HOXD11: variants seen among roughly 807,000 people sequenced by gnomAD.
HOXD11 encodes the protein homeobox protein Hox-D11.
Under a neutral mutation model 23.1 loss-of-function variants are expected in HOXD11, and 16 were observed. The ratio of observed to expected loss-of-function variants is 0.69; its 90% CI spans 0.47 to 1.05. The LOEUF is 1.05. Among genes scored for constraint, HOXD11 ranks in the 50% least tolerant of loss-of-function variants. The pLI is 0.00. For synonymous variants in HOXD11, 262 were observed against 224.4 expected, an observed-to-expected ratio of 1.17 and a Z score of -1.50; for missense variants, 564 against 495.6, an observed-to-expected ratio of 1.14 and a Z score of -1.31.
Position 176,107,628 on chromosome 2 carries a change from C to A in HOXD11, c.273C>A (p.Gly91=), listed in dbSNP as rs1372069665. 8 of 998,192 alleles carry A rather than the reference C, an allele frequency of 8.0e-6. No individual in the cohort carries two copies. In the East Asian group the frequency reaches 7.2e-4, roughly 90 times the overall value. 61.8% of individuals were successfully genotyped at this position (998,192 alleles called of 1,614,324 possible). Residue 91 remains glycine (G), a synonymous_variant, in exon 1 of 2, where the codon GGC becomes GGA. Coordinates refer to ENST00000249504, the MANE Select transcript of HOXD11 (RefSeq NM_021192.3). ...GCGCGGGGGGCGGCAGCAGCGGGGGCGGCCCCGGCGGGGGCGGCGGCGGCG... is the reference window on the plus strand; with the variant it reads ...GCGCGGGGGGCGGCAGCAGCGGGGGAGGCCCCGGCGGGGGCGGCGGCGGCG... ...GGSAGGGSSG[G]GPGGGGGGAG...
chr2:176,113,507 A>G (rs114870091), downstream of HOXD11, among the ~76,000 whole-genome samples: 1,351 of 152,324 alleles, frequency 8.9e-3, 20 homozygotes, highest in African/African-American at 0.031. Context: ...GATGATGGAA[A>G]ACATCAGCTA....
chr2:176,108,171 G>C, intron 1 of HOXD11, 35 bp downstream of exon 1: 1 of 1,121,398 alleles, frequency 8.9e-7, no homozygotes, highest in Non-Finnish European at 1.1e-6. Context: ...GGTGGGCCCG[G>C]GGGCCGCGGG....
chr2:176,112,859 G>A (rs556206055), downstream of HOXD11, among the ~76,000 whole-genome samples: 1 of 152,322 alleles, frequency 6.6e-6, no homozygotes, highest in Non-Finnish European at 1.5e-5. Context: ...CCTGACAAGG[G>A]CCCGGGATCA....
In HOXD11 at chr2:176,109,286, A is replaced by C; in HGVS notation, c.*144A>C. The C allele has an allele frequency of 6.4e-6, 4 of 628,472 alleles. No homozygotes were observed. Among genetic ancestry groups the C allele is most frequent in the Non-Finnish European group, 5.6e-6 (2 of 355,056 alleles). 38.9% of individuals were successfully genotyped at this position (628,472 alleles called of 1,614,324 possible). ...GATTCCTTCCCACGGTCAACTCGGG[A>C]CCTCCCAGCGACCACTGCAGCCTGC... On this transcript the variant is annotated 3_prime_UTR_variant, in exon 2 of 2. Coordinates refer to ENST00000249504, the MANE Select transcript of HOXD11 (RefSeq NM_021192.3).
downstream of HOXD11, among the ~76,000 whole-genome samples, chr2:176,114,482 A>G (rs917362288): frequency 1.3e-5 from 2 of 152,102 alleles, no homozygotes; most frequent in Non-Finnish European, 2.9e-5. Flanking sequence ...ATGATGTTGT[A>G]TTTGAACAGC....
chr2:176,111,051 A>G (rs1258765583), downstream of HOXD11, among the ~76,000 whole-genome samples: 1 of 152,186 alleles, frequency 6.6e-6, no homozygotes, highest in Admixed American at 6.5e-5. Flanking sequence ...ATTTGAAAGC[A>G]ATTTGCCACC....
In HOXD11 at chr2:176,108,118, G is replaced by A. The variant is rs1412848580; in HGVS notation, c.763G>A (p.Glu255Lys). The A allele has an allele frequency of 1.5e-6, 2 of 1,327,062 alleles. No individual in the cohort carries two copies. The highest frequency in any genetic ancestry group is 1.4e-5 in the South Asian group (1 of 69,530). 82.2% of individuals were successfully genotyped at this position (1,327,062 alleles called of 1,614,324 possible). Residue 255 changes from glutamate (E) to lysine (K), a missense_variant, in exon 1 of 2, where the codon GAG becomes AAG. Coordinates refer to ENST00000249504, the MANE Select transcript of HOXD11 (RefSeq NM_021192.3). The part of the protein sequence containing the change: ...GEGPPGEAGA[E>K]KSSSAVAPQR... ...GGGCCCCCCGGGAGAGGCGGGGGCC[G>A]AGAAGAGCAGCAGCGCAGGTAGGCA...
chr2:176,108,990 G>A lies in HOXD11; in HGVS notation c.865G>A (p.Val289Met). The A allele has an allele frequency of 6.2e-7, 1 of 1,614,018 alleles. No individual in the cohort carries two copies. Among genetic ancestry groups the A allele is most frequent in the Non-Finnish European group, 8.5e-7 (1 of 1,179,898 alleles). ...ACTGGAACGCGAGTTTTTCTTTAAC[G>A]TGTACATAAACAAAGAGAAAAGACT... ...RELEREFFFNVYINKEKRLQL... is the reference protein window; with the variant it reads ...RELEREFFFNMYINKEKRLQL... Residue 289 changes from valine to methionine, a missense_variant, in exon 2 of 2, where the codon GTG becomes ATG. Physicochemically the swap from Val to Met is conservative, Grantham distance 21 (BLOSUM62 1). Transcript: ENST00000249504.
downstream of HOXD11, among the ~76,000 whole-genome samples, chr2:176,114,671 T>C (rs577362970): frequency 8.6e-5 from 13 of 151,458 alleles, no homozygotes; most frequent in South Asian, 2.7e-3. Context: ...GGACAAAGGG[T>C]TTTTTGGGAA....
chr2:176,112,374 G>A (rs1689689515), downstream of HOXD11, among the ~76,000 whole-genome samples: 2 of 152,150 alleles, frequency 1.3e-5, no homozygotes, highest in Admixed American at 1.3e-4. Context: ...GCCTCTCTAA[G>A]GGAGGATGAC....
Position 176,108,091 on chromosome 2 carries a change from G to A in HOXD11, c.736G>A (p.Glu246Lys), listed in dbSNP as rs754200766. ...AGCAGAAGGCAGCGGTGGCGACGGC[G>A]AGGGCCCCCCGGGAGAGGCGGGGGC... Reference protein sequence around the residue: ...GAAEGSGGDGEGPPGEAGAEK... With the variant: ...GAAEGSGGDGKGPPGEAGAEK... Residue 246 changes from glutamate (E) to lysine (K), a missense_variant, in exon 1 of 2, where the codon GAG (glutamate) becomes AAG (lysine). Glu to Lys is a moderately conservative substitution (Grantham distance 56). Transcript: ENST00000249504. 14 of 1,471,186 alleles carry A rather than the reference G, an allele frequency of 9.5e-6. No homozygotes were observed. Among genetic ancestry groups the A allele is most frequent in the East Asian group, 2.9e-5 (1 of 35,068 alleles). The allele number at this position is 1,471,186 out of a possible 1,614,324, so 91.1% of individuals were successfully genotyped here. A position where few individuals can be genotyped will look rare whatever the true frequency, so the allele number is the denominator to read the frequency against.
Position 176,107,634 on chromosome 2 carries a change from C to G in HOXD11, c.279C>G (p.Pro93=). Residue 93 remains proline (P), a synonymous_variant, in exon 1 of 2, where the codon CCC becomes CCG. Transcript: ENST00000249504. The stretch of plus-strand genomic sequence containing the variant: ...GGGGCGGCAGCAGCGGGGGCGGCCC[C>G]GGCGGGGGCGGCGGCGGCGCGGGGG... ...SAGGGSSGGG[P]GGGGGGAGGY... The G allele has an allele frequency of 1.0e-6, 1 of 976,918 alleles. No individual in the cohort carries two copies. Among genetic ancestry groups the G allele is most frequent in the Non-Finnish European group, 1.2e-6 (1 of 823,890 alleles). 60.5% of individuals were successfully genotyped at this position (976,918 alleles called of 1,614,324 possible).
downstream of HOXD11, among the ~76,000 whole-genome samples, chr2:176,114,470 C>A (rs115546864): frequency 1.2e-4 from 19 of 152,080 alleles, no homozygotes; most frequent in Admixed American, 9.8e-4. Flanking sequence ...TTTAACCTGA[C>A]AATGATGTTG....
chr2:176,107,688 G>GGCGGCGGCT lies in HOXD11; in HGVS notation c.342_350dup (p.Ala118_Ala120dup), dbSNP rs1239433538. On this transcript the variant is annotated inframe_insertion, in exon 1 of 2. Coordinates refer to ENST00000249504, the MANE Select transcript of HOXD11 (RefSeq NM_021192.3). The stretch of plus-strand genomic sequence containing the variant: ...ACGCTCCCTACTACGCGGCGGCGGC[G>GGCGGCGGCT]GCGGCGGCTGCGGCGGCCGCGGCGG... 1.0e-6 allele frequency: 1 copy of GGCGGCGGCT among 998,708 alleles called. No individual in the cohort carries two copies. Among genetic ancestry groups the GGCGGCGGCT allele is most frequent in the Non-Finnish European group, 1.2e-6 (1 of 841,642 alleles). The allele number at this position is 998,708 out of a possible 1,614,324, so 61.9% of individuals were successfully genotyped here. A position where few individuals can be genotyped will look rare whatever the true frequency, so the allele number is the denominator to read the frequency against.
Position 176,107,505 on chromosome 2 carries a change from C to A in HOXD11, c.150C>A (p.Asn50Lys), listed in dbSNP as rs539589763. 1.9e-6 allele frequency: 3 copies of A among 1,613,836 alleles called. No homozygotes were observed. The African/African-American group carries it at 4.0e-5, about 22-fold the overall frequency. ...SCQMTFPYSS[N>K]LAPHVQPVRE... ...AGATGACTTTCCCCTACTCTTCCAACCTGGCTCCGCACGTCCAGCCCGTGC... is the reference window on the plus strand; with the variant it reads ...AGATGACTTTCCCCTACTCTTCCAAACTGGCTCCGCACGTCCAGCCCGTGC... The change falls in exon 1 of 2, where the codon AAC (asparagine) becomes AAA (lysine). Residue 50 changes from asparagine to lysine, a missense_variant. Transcript: ENST00000249504.
At chr2:176,110,359 C>T (rs1424257615), downstream of HOXD11, among the ~76,000 whole-genome samples, 5 of 152,322 alleles carry the variant, frequency 3.3e-5, no homozygotes, top group East Asian at 9.6e-4. Flanking sequence ...ATATTATACA[C>T]CTTCTGGTGG....
rs1298634124 is a variant in HOXD11 at position 176,107,911 on chromosome 2, C to G, written c.556C>G (p.Pro186Ala). The G allele has an allele frequency of 7.0e-7, 1 of 1,431,466 alleles. No homozygotes were observed. Among genetic ancestry groups the G allele is most frequent in the Admixed American group, 2.8e-5 (1 of 36,192 alleles). The allele number at this position is 1,431,466 out of a possible 1,614,324, so 88.7% of individuals were successfully genotyped here. ...QGFDQFYEAA[P>A]GPPFAGPQPP... The stretch of plus-strand genomic sequence containing the variant: ...CTTCGACCAGTTCTACGAGGCAGCG[C>G]CCGGGCCCCCGTTCGCCGGGCCGCA... The change falls in exon 1 of 2, where the codon CCC becomes GCC. Residue 186 changes from proline (P) to alanine (A), a missense_variant. Transcript: ENST00000249504.
Position 176,108,925 on chromosome 2 carries a change from G to A in HOXD11, c.800G>A (p.Arg267Gln), listed in dbSNP as rs1277751660. The change falls in exon 2 of 2, where the codon CGG (arginine) becomes CAG (glutamine). Residue 267 changes from arginine to glutamine, a missense_variant. By Grantham distance (43) the Arg-to-Gln change is conservative. Transcript: ENST00000249504. ...SSSAVAPQRS[R>Q]KKRCPYTKYQ... ...CTTGCAGTTGCCCCCCAGCGGTCCCGGAAAAAGCGCTGTCCCTATACCAAG... is the reference window on the plus strand; with the variant it reads ...CTTGCAGTTGCCCCCCAGCGGTCCCAGAAAAAGCGCTGTCCCTATACCAAG... 1.2e-6 allele frequency: 2 copies of A among 1,613,734 alleles called. No homozygotes were observed. The highest frequency in any genetic ancestry group is 4.5e-5 in the East Asian group (2 of 44,860).
chr2:176,115,371 T>C, the HOXD11 span, among the ~76,000 whole-genome samples: 1 of 152,352 alleles, frequency 6.6e-6, no homozygotes, highest in African/African-American at 2.4e-5. Context: ...TATTTGACAA[T>C]TTGTATTAAA....
Sources: allele counts gnomAD v4.1 joint callset (sites outside exome capture counted in the v4.1 genomes callset), GRCh38; gene constraint gnomAD v4.1.1; transcripts MANE v1.5; gene names NCBI Gene and HGNC (gene_info 2026-07-23, HGNC 2026-07-21).